NPAT: variants seen among roughly 807,000 people sequenced by gnomAD.
The protein encoded by NPAT is protein NPAT.
Under a neutral mutation model 130.7 loss-of-function variants are expected in NPAT, and 52 were observed. The ratio of observed to expected loss-of-function variants is 0.40; its 90% CI spans 0.32 to 0.50. The LOEUF is 0.50. Ranked by LOEUF, NPAT falls within the 20% of genes least tolerant of loss-of-function variation. The pLI, the probability that NPAT is intolerant of heterozygous loss-of-function variation, is 0.68. For synonymous variants in NPAT, 580 were observed against 584.8 expected, an observed-to-expected ratio of 0.99 and a Z score of 0.12; for missense variants, 1,687 against 1,662.6, an observed-to-expected ratio of 1.01 and a Z score of -0.26.
At chr11:108,219,525 A>G (rs2078464531) in intron 1 of NPAT, among the ~76,000 whole-genome samples, 1 of 152,214 alleles carries the variant, frequency 6.6e-6, no homozygotes, top group African/African-American at 2.4e-5. Context: ...TAACAAATCT[A>G]TTCAAGAAAA....
At chr11:108,204,241 G>A (rs1221216129) in intron 1 of NPAT, among the ~76,000 whole-genome samples, 1 of 152,152 alleles carries the variant, frequency 6.6e-6, no homozygotes, top group East Asian at 1.9e-4. Flanking sequence ...CCTGAAAACT[G>A]CATGCCAGTT....
At chr11:108,176,209 A>G in intron 12 of NPAT, 37 bp downstream of exon 12, 1 of 1,432,804 alleles carries the variant, frequency 7.0e-7, no homozygotes. Context: ...TAATATTAAG[A>G]TTTGGATTGA....
In NPAT at chr11:108,161,007, C is replaced by T; in HGVS notation, c.4079G>A (p.Arg1360Lys). The change falls in exon 17 of 18, where the codon AGA becomes AAA. Residue 1360 changes from arginine (R) to lysine (K), a missense_variant. Transcript: ENST00000278612. ...TPLKDNTQQF[R>K]ASSRSTTKKR... ...TTTTGTGGTGCTCCTTGAAGATGCT[C>T]TAAACTGTTGTGTGTTATCTTTCAG... The T allele has an allele frequency of 2.5e-6, 4 of 1,614,130 alleles. No homozygotes were observed. The highest frequency in any genetic ancestry group is 1.1e-5 in the South Asian group (1 of 91,072).
At chr11:108,185,780 G>A (rs900630999) in intron 8 of NPAT, among the ~76,000 whole-genome samples, 1 of 152,172 alleles carries the variant, frequency 6.6e-6, no homozygotes, top group African/African-American at 2.4e-5. Context: ...GCCCAGCCTG[G>A]AGTACAGTGG....
In NPAT at chr11:108,206,169, G is replaced by A. The variant is rs1170393681; in HGVS notation, c.38-8749C>T. On this transcript the variant is annotated intron_variant, in intron 1 of 17. Coordinates refer to ENST00000278612, the MANE Select transcript of NPAT (RefSeq NM_002519.3). ...CAATATGGGCATATAATGTATGAAG[G>A]TGTAATTTATATGACCTTAAAAACA... 2.0e-5 allele frequency among the ~76,000 whole-genome samples: 3 copies of A among 152,216 alleles called. No homozygotes were observed. In the East Asian group the frequency reaches 5.8e-4, roughly 29 times the overall value.
At chr11:108,192,581 TA>T (rs1442340032) in intron 3 of NPAT, among the ~76,000 whole-genome samples, 1 of 152,222 alleles carries the variant, frequency 6.6e-6, no homozygotes, top group Non-Finnish European at 1.5e-5. Context: ...GCAAATTCCT[TA>T]TAAGTGTGGA....
rs532606400 is a variant in NPAT at position 108,189,092 on chromosome 11, A to G, written c.556+14T>C. The G allele has an allele frequency of 3.9e-5, 62 of 1,599,378 alleles. 2 individuals are homozygous for G. The South Asian group carries it at 6.4e-4, about 16-fold the overall frequency. The stretch of plus-strand genomic sequence containing the variant: ...ATTAACAACAAAATTTAAGAGAACA[A>G]AATGTAAACTTACTGGTTACAGTAT... On this transcript the variant is annotated intron_variant, in intron 6 of 17. Coordinates refer to ENST00000278612, the MANE Select transcript of NPAT (RefSeq NM_002519.3).
rs572348230 is a variant in NPAT at position 108,212,546 on chromosome 11, T to C, written c.37+9954A>G. The stretch of plus-strand genomic sequence containing the variant: ...TCTCAAAAGAAAAAAAAAAAAAGCA[T>C]CCAGATTGGAAAGGAAAAAATCAAG... On this transcript the variant is annotated intron_variant, in intron 1 of 17. Coordinates refer to ENST00000278612, the MANE Select transcript of NPAT (RefSeq NM_002519.3). 7.5e-4 allele frequency among the ~76,000 whole-genome samples: 106 copies of C among 140,436 alleles called. 1 individual carries two copies. Among genetic ancestry groups the C allele is most frequent in the African/African-American group, 2.6e-3 (100 of 37,976 alleles). 92.1% of individuals were successfully genotyped at this position (140,436 alleles called of 152,430 possible).
chr11:108,169,763 T>C lies in NPAT; in HGVS notation c.2991A>G (p.Leu997=). The C allele has an allele frequency of 6.2e-7, 1 of 1,611,776 alleles. No individual in the cohort carries two copies. The highest frequency in any genetic ancestry group is 1.3e-5 in the African/African-American group (1 of 75,038). Reference sequence around the variant, plus strand: ...TGGTACCTATACAAGGCTTGTTTCTTAGTCCCTGAGCCTTCTGAGATTTTG... The same window carrying C: ...TGGTACCTATACAAGGCTTGTTTCTCAGTCCCTGAGCCTTCTGAGATTTTG... ...VPPKSQKAQG[L]RNKPCIGKQV... is the part of the protein sequence containing the mutation. The change falls in exon 15 of 18, where the codon CTA becomes CTG. Residue 997 remains leucine (L), a synonymous_variant. Coordinates refer to ENST00000278612, the MANE Select transcript of NPAT (RefSeq NM_002519.3).
At chr11:108,185,875 G>C (rs2078102826) in intron 8 of NPAT, among the ~76,000 whole-genome samples, 1 of 152,168 alleles carries the variant, frequency 6.6e-6, no homozygotes, top group Admixed American at 6.6e-5. Context: ...TGGGATTACG[G>C]GCGTGTGCCA....
At chr11:108,205,570 C>T (rs2078317739) in intron 1 of NPAT, among the ~76,000 whole-genome samples, 1 of 152,140 alleles carries the variant, frequency 6.6e-6, no homozygotes, top group South Asian at 2.1e-4. Context: ...CAGCCAGCCT[C>T]AAGGAAGAAT....
intron 4 of NPAT, 93 bp from the exon 5 acceptor site, chr11:108,190,593 G>T: frequency 9.1e-7 from 1 of 1,103,410 alleles, no homozygotes; most frequent in South Asian, 1.3e-5. Context: ...AGTTAGTTAT[G>T]AGGTAAAAGG....
chr11:108,183,991 T>G (rs529896523), intron 10 of NPAT, among the ~76,000 whole-genome samples: 3 of 151,564 alleles, frequency 2.0e-5, no homozygotes, highest in Admixed American at 2.0e-4. Flanking sequence ...AAAAGTAAAT[T>G]AAAGGATAGT....
At chr11:108,183,524 A>T (rs1344766128) in intron 10 of NPAT, among the ~76,000 whole-genome samples, 1 of 152,188 alleles carries the variant, frequency 6.6e-6, no homozygotes, top group African/African-American at 2.4e-5. Flanking sequence ...TACTTGGGTC[A>T]GGTGAGATAG....
intron 13 of NPAT, among the ~76,000 whole-genome samples, chr11:108,170,939 T>C (rs888118699): frequency 3.3e-5 from 5 of 151,996 alleles, no homozygotes; most frequent in African/African-American, 1.2e-4. Context: ...ATGTCTATAA[T>C]GTAACAAAAA....
intron 1 of NPAT, among the ~76,000 whole-genome samples, chr11:108,222,050 T>C (rs1243121882): frequency 6.6e-6 from 1 of 152,066 alleles, no homozygotes; most frequent in Admixed American, 6.5e-5. Context: ...GGCGGGTTAT[T>C]AGAAGGGCGC....
chr11:108,197,235 ATTTTATGACTATGT>A, intron 2 of NPAT, 53 bp downstream of exon 2: 1 of 1,145,826 alleles, frequency 8.7e-7, no homozygotes, highest in Non-Finnish European at 1.3e-6. Context: ...TGATAAGCTG[ATTTTATGACTATGT>A]TTTTAGTCTC....
At chr11:108,167,088 A>G (rs2077908535) in intron 15 of NPAT, among the ~76,000 whole-genome samples, 1 of 152,232 alleles carries the variant, frequency 6.6e-6, no homozygotes, top group Non-Finnish European at 1.5e-5. Context: ...TTAATTAACC[A>G]TACCTGGCAA....
intron 10 of NPAT, among the ~76,000 whole-genome samples, chr11:108,178,090 A>G (rs767598324): frequency 5.9e-5 from 9 of 152,110 alleles, no homozygotes; most frequent in Non-Finnish European, 1.3e-4. Flanking sequence ...AGGTCCTTCA[A>G]TATAAATCTA....
Sources: gnomAD v4.1 joint callset for allele counts (sites outside exome capture counted in the v4.1 genomes callset) on GRCh38, gnomAD v4.1.1 for gene constraint, MANE v1.5 for transcripts, NCBI Gene and HGNC (gene_info 2026-07-23, HGNC 2026-07-21) for gene names.